Variants in UBE2Q2 observed in about 807,000 individuals in gnomAD.
The protein encoded by UBE2Q2 is ubiquitin-conjugating enzyme E2 Q2.
In UBE2Q2, 54 loss-of-function variants were observed where a neutral mutation model predicts 59.9. That is an observed-to-expected ratio of 0.90 (90% CI 0.72 to 1.13). The LOEUF (loss-of-function observed/expected upper bound fraction) is 1.13. Among genes scored for constraint, UBE2Q2 ranks in the 50% most tolerant of loss-of-function variants. UBE2Q2 has a pLI of 0.00. For missense variants in UBE2Q2, 433 were observed against 441.9 expected (o/e 0.98, Z 0.18); for synonymous variants, 165 against 155.2 (o/e 1.06, Z -0.47).
chr15:75,861,433 T>G (rs1897202811), intron 3 of UBE2Q2, among the ~76,000 whole-genome samples: 1 of 152,200 alleles, frequency 6.6e-6, no homozygotes, highest in Non-Finnish European at 1.5e-5. Context: ...AGCACAACAG[T>G]ATACTTAGTG....
intron 4 of UBE2Q2, among the ~76,000 whole-genome samples, chr15:75,873,224 G>A (rs573598177): frequency 6.6e-6 from 1 of 152,290 alleles, no homozygotes; most frequent in African/African-American, 2.4e-5. Flanking sequence ...TTTACCCAGA[G>A]TCTAGATTTT....
At chr15:75,888,526 G>C (rs1359875349) in intron 9 of UBE2Q2, among the ~76,000 whole-genome samples, 1 of 152,098 alleles carries the variant, frequency 6.6e-6, no homozygotes, top group African/African-American at 2.4e-5. Context: ...CCCTTACTTA[G>C]ATCATTAATG....
rs1899707100 is a variant in UBE2Q2, at chr15:75,900,696, A to G, written c.*1238A>G. Reference sequence around the variant, plus strand: ...CATCTGAGAGACTTGTCATTTCTACATTGTGTGTGTTTAATTTCTTTTGAT... The same window carrying G: ...CATCTGAGAGACTTGTCATTTCTACGTTGTGTGTGTTTAATTTCTTTTGAT... On this transcript the variant is annotated 3_prime_UTR_variant, in exon 13 of 13. Coordinates refer to ENST00000267938, the MANE Select transcript of UBE2Q2 (RefSeq NM_173469.4). 1 of 152,588 alleles carries G rather than the reference A, an allele frequency of 6.6e-6. No homozygotes were observed. Among genetic ancestry groups the G allele is most frequent in the African/African-American group, 2.4e-5 (1 of 41,442 alleles). 9.5% of individuals were successfully genotyped at this position (152,588 alleles called of 1,614,324 possible).
At chr15:75,851,135 C>CTTTTTTTTTT (rs1177827175) in intron 1 of UBE2Q2, among the ~76,000 whole-genome samples, 1 of 140,492 alleles carries the variant, frequency 7.1e-6, no homozygotes, top group African/African-American at 2.6e-5. Flanking sequence ...GGATATTCTT[C>CTTTTTTTTTT]TTTTTTTTTT....
intron 1 of UBE2Q2, among the ~76,000 whole-genome samples, chr15:75,853,687 A>G (rs1298543712): frequency 3.9e-5 from 6 of 151,990 alleles, no homozygotes; most frequent in South Asian, 2.1e-4. Flanking sequence ...GTGGGTCAGG[A>G]TTTTGTGCAA....
intron 3 of UBE2Q2, among the ~76,000 whole-genome samples, chr15:75,861,003 G>A (rs1897179829): frequency 6.6e-6 from 1 of 152,180 alleles, no homozygotes; most frequent in African/African-American, 2.4e-5. Flanking sequence ...TTGAATCTTT[G>A]TTCTGCTACT....
intron 3 of UBE2Q2, among the ~76,000 whole-genome samples, chr15:75,861,107 T>C (rs956739144): frequency 6.6e-6 from 1 of 152,210 alleles, no homozygotes; most frequent in African/African-American, 2.4e-5. Flanking sequence ...TATTAGTACC[T>C]ATGTTTTGGG....
chr15:75,845,144 G>A lies in UBE2Q2; in HGVS notation c.180+1298G>A, dbSNP rs554338151. On this transcript the variant is annotated intron_variant, in intron 1 of 12. Transcript: ENST00000267938. Reference sequence around the variant, plus strand: ...CAGCTCCTGTGGTATCATCAGGAAAGCCAAAGCAACTAATTTTGACTTGGG... The same window carrying A: ...CAGCTCCTGTGGTATCATCAGGAAAACCAAAGCAACTAATTTTGACTTGGG... Among the ~76,000 whole-genome samples the A allele has an allele frequency of 1.2e-4, 19 of 152,274 alleles. No individual in the cohort carries two copies. In the South Asian group the frequency reaches 3.3e-3, roughly 27 times the overall value.
At chr15:75,855,256 T>C (rs2593278) in intron 2 of UBE2Q2, among the ~76,000 whole-genome samples, 121,899 of 152,090 alleles carry the variant, frequency 0.8, 49,241 homozygotes, top group South Asian at 0.9. Context: ...TTTAGGAAGC[T>C]GAGGCGGGCG....
intron 8 of UBE2Q2, among the ~76,000 whole-genome samples, chr15:75,879,469 G>C (rs1385655771): frequency 1.3e-5 from 2 of 152,178 alleles, no homozygotes; most frequent in East Asian, 3.9e-4. Flanking sequence ...CAGCTATGTG[G>C]GACAAGATGG....
intron 12 of UBE2Q2, among the ~76,000 whole-genome samples, chr15:75,898,309 G>A (rs1899547002): frequency 6.6e-6 from 1 of 152,102 alleles, no homozygotes; most frequent in Admixed American, 6.6e-5. Flanking sequence ...TAGCTGTGAT[G>A]AAAGAGTAAT....
intron 1 of UBE2Q2, among the ~76,000 whole-genome samples, chr15:75,846,282 A>T (rs998476032): frequency 6.6e-6 from 1 of 152,166 alleles, no homozygotes; most frequent in Non-Finnish European, 1.5e-5. Context: ...GTGTCGTCCC[A>T]GCTGGAGTGC....
intron 1 of UBE2Q2, chr15:75,844,708 G>C: frequency 4.7e-6 from 2 of 423,734 alleles, no homozygotes; most frequent in Non-Finnish European, 8.5e-6. Flanking sequence ...AAAGTGTATC[G>C]TGAAGCTATT....
At chr15:75,882,722 A>G (rs1898502604) in intron 8 of UBE2Q2, among the ~76,000 whole-genome samples, 1 of 152,234 alleles carries the variant, frequency 6.6e-6, no homozygotes, top group African/African-American at 2.4e-5. Flanking sequence ...TGCAAGTTAG[A>G]AAATGCAAAT....
intron 2 of UBE2Q2, among the ~76,000 whole-genome samples, chr15:75,858,720 G>C (rs567143807): frequency 6.6e-6 from 1 of 152,224 alleles, no homozygotes; most frequent in South Asian, 2.1e-4. Flanking sequence ...CCAGAGGCCA[G>C]AGTGTCTAGG....
intron 1 of UBE2Q2, among the ~76,000 whole-genome samples, chr15:75,851,437 A>G (rs1896630841): frequency 6.6e-6 from 1 of 152,144 alleles, no homozygotes; most frequent in Non-Finnish European, 1.5e-5. Flanking sequence ...ATGTTGATAC[A>G]TTTGATTTTA....
At chr15:75,869,094 A>T in intron 4 of UBE2Q2, 84 bp downstream of exon 4, 1 of 1,132,116 alleles carries the variant, frequency 8.8e-7, no homozygotes, top group Non-Finnish European at 1.3e-6. Context: ...TTTATAGACT[A>T]CTATTAATGT....
rs10524276 is a variant in UBE2Q2 at position 75,883,839 on chromosome 15, T to TACAC, written c.884+438_884+441dup. ...ATTCATACACACATGTATTTATACATACACACACACACACACACACACACA... is the reference window on the plus strand; with the variant it reads ...ATTCATACACACATGTATTTATACATACACACACACACACACACACACACACACA... On this transcript the variant is annotated intron_variant, in intron 9 of 12. Transcript: ENST00000267938. 3.5e-3 allele frequency among the ~76,000 whole-genome samples: 534 copies of TACAC among 151,988 alleles called. 4 individuals are homozygous for TACAC. Among genetic ancestry groups the TACAC allele is most frequent in the African/African-American group, 0.012 (505 of 41,348 alleles).
At chr15:75,891,587 C>T (rs1352160812) in intron 11 of UBE2Q2, among the ~76,000 whole-genome samples, 1 of 151,386 alleles carries the variant, frequency 6.6e-6, no homozygotes, top group Admixed American at 6.6e-5. Flanking sequence ...CTGAAGCATA[C>T]AGAAGTTAGT....
Sources: gnomAD v4.1 joint callset for allele counts (sites outside exome capture counted in the v4.1 genomes callset) on GRCh38, gnomAD v4.1.1 for gene constraint, MANE v1.5 for transcripts, NCBI Gene and HGNC (gene_info 2026-07-23, HGNC 2026-07-21) for gene names.